Variants in GPT2 observed in about 807,000 individuals in gnomAD.
GPT2 encodes the protein alanine aminotransferase 2.
Under a neutral mutation model 56.9 loss-of-function variants are expected in GPT2, and 30 were observed. The observed-to-expected ratio is 0.53, with a 90% CI of 0.39 to 0.72. The LOEUF (loss-of-function observed/expected upper bound fraction) is 0.72, where lower values mean the gene tolerates loss of function less well. GPT2 is among the 30% of genes least tolerant of loss of function. The pLI, the probability that GPT2 is intolerant of heterozygous loss-of-function variation, is 0.00. For synonymous variants in GPT2, 271 were observed against 283.1 expected, an observed-to-expected ratio of 0.96 and a Z score of 0.43; for missense variants, 542 against 703.4, an observed-to-expected ratio of 0.77 and a Z score of 2.60.
intron 1 of GPT2, 35 bp from the exon 2 acceptor site, chr16:46,884,659 G>A (rs923462046): frequency 1.8e-5 from 25 of 1,356,212 alleles, no homozygotes; most frequent in Non-Finnish European, 2.3e-5. Context: ...TGGGCAGTGC[G>A]CGACGTGTTT....
In GPT2 at chr16:46,929,171, C is replaced by G. The variant is rs1961480405; in HGVS notation, c.*174C>G. On this transcript the variant is annotated 3_prime_UTR_variant, in exon 12 of 12. Coordinates refer to ENST00000340124, the MANE Select transcript of GPT2 (RefSeq NM_133443.4). ...TTGTGCCTTGATGTTGAGAGCGCCT[C>G]TCTTTTGAGCAAACAAGCATTCTAT... The G allele has an allele frequency of 1.7e-6, 1 of 605,794 alleles. No individual in the cohort carries two copies. The highest frequency in any genetic ancestry group is 3.0e-6 in the Non-Finnish European group (1 of 337,858). The allele number at this position is 605,794 out of a possible 1,614,324, so 37.5% of individuals were successfully genotyped here.
At chr16:46,893,591 G>A (rs921074722) in intron 2 of GPT2, among the ~76,000 whole-genome samples, 5 of 152,172 alleles carry the variant, frequency 3.3e-5, no homozygotes, top group African/African-American at 1.2e-4. Context: ...CCTCATGCTG[G>A]TGCGAGGCCT....
chr16:46,895,755 ACTC>A (rs1960674189), intron 2 of GPT2, among the ~76,000 whole-genome samples: 1 of 151,508 alleles, frequency 6.6e-6, no homozygotes, highest in Non-Finnish European at 1.5e-5. Context: ...CTGTTGTTGA[ACTC>A]CTGGCCTCAA....
intron 5 of GPT2, 130 bp from the exon 6 acceptor site, chr16:46,909,554 A>G: frequency 9.7e-7 from 1 of 1,025,746 alleles, no homozygotes; most frequent in Non-Finnish European, 1.4e-6. Context: ...AGATGAGGAA[A>G]CTGAGACTCG....
Position 46,922,165 on chromosome 16 carries a change from G to A in GPT2, c.1038-77G>A, listed in dbSNP as rs541801715. On this transcript the variant is annotated intron_variant, in intron 8 of 11. Coordinates refer to ENST00000340124, the MANE Select transcript of GPT2 (RefSeq NM_133443.4). ...TGGTGTTGGGTGTGGGAATGCTTTC[G>A]ATTCTGGCTGTCCAAATGGCACTTT... 8.9e-4 allele frequency: 1,286 copies of A among 1,443,776 alleles called. 20 individuals carry two copies. Among genetic ancestry groups the A allele is most frequent in the South Asian group, 8.6e-3 (715 of 83,340 alleles). 89.4% of individuals were successfully genotyped at this position (1,443,776 alleles called of 1,614,324 possible). A position where few individuals can be genotyped will look rare whatever the true frequency, so the allele number is the denominator to read the frequency against.
intron 6 of GPT2, among the ~76,000 whole-genome samples, chr16:46,911,565 G>C (rs1350119226): frequency 6.6e-6 from 1 of 152,122 alleles, no homozygotes; most frequent in Non-Finnish European, 1.5e-5. Flanking sequence ...AATCACAAAG[G>C]GAACTTTGAA....
chr16:46,909,989 C>T, intron 6 of GPT2, 62 bp downstream of exon 6: 1 of 1,510,870 alleles, frequency 6.6e-7, no homozygotes, highest in Non-Finnish European at 8.9e-7. Flanking sequence ...CACTGGCTGT[C>T]TAGAAACCAG....
At chr16:46,913,114 T>C (rs1416473849) in intron 6 of GPT2, among the ~76,000 whole-genome samples, 2 of 152,228 alleles carry the variant, frequency 1.3e-5, no homozygotes, top group Non-Finnish European at 2.9e-5. Context: ...CATGCACTTA[T>C]CTGTTCACTG....
intron 9 of GPT2, 148 bp downstream of exon 9, chr16:46,922,564 A>AC: frequency 1.4e-6 from 1 of 698,396 alleles, no homozygotes; most frequent in East Asian, 2.8e-5. Flanking sequence ...CAGAGCCTGA[A>AC]CCACCCCTAT....
At chr16:46,921,602 C>T (rs1034645423) in intron 8 of GPT2, among the ~76,000 whole-genome samples, 5 of 152,136 alleles carry the variant, frequency 3.3e-5, no homozygotes, top group African/African-American at 9.7e-5. Flanking sequence ...TTAGTGTGAA[C>T]GTTTGCAGCC....
chr16:46,889,246 ATTTT>A (rs35803215), intron 2 of GPT2, among the ~76,000 whole-genome samples: 4 of 94,944 alleles, frequency 4.2e-5, no homozygotes, highest in African/African-American at 1.3e-4. Flanking sequence ...CAGGCTGTTA[ATTTT>A]TTTTTTTTTT....
chr16:46,914,562 G>A (rs1890802580), intron 6 of GPT2, among the ~76,000 whole-genome samples: 1 of 152,280 alleles, frequency 6.6e-6, no homozygotes, highest in Non-Finnish European at 1.5e-5. Flanking sequence ...ATAATAAAAT[G>A]TGTTGTAAGT....
At chr16:46,924,026 CA>C in intron 9 of GPT2, 1 of 365,830 alleles carries the variant, frequency 2.7e-6, no homozygotes. Flanking sequence ...CCCCACACCC[CA>C]GGGCACGTGG....
chr16:46,924,935 T>C (rs974818938), intron 10 of GPT2, among the ~76,000 whole-genome samples: 1 of 151,914 alleles, frequency 6.6e-6, no homozygotes. Context: ...TTTTTTTTTT[T>C]CCTTTTTGTG....
At chr16:46,908,147 A>C (rs995158027) in intron 5 of GPT2, among the ~76,000 whole-genome samples, 4 of 138,626 alleles carry the variant, frequency 2.9e-5, no homozygotes, top group Non-Finnish European at 4.6e-5. Context: ...GGCTTGGGAG[A>C]CCGGTGGAGC....
Position 46,897,710 on chromosome 16 carries a change from G to A in GPT2, c.306G>A (p.Gly102=), listed in dbSNP as rs1192223345. Reference sequence around the variant, plus strand: ...ACATCGGGGACGCCCAGGCTATGGGGCAGCAGCCAATCACCTTCCTCCGGC... The same window carrying A: ...ACATCGGGGACGCCCAGGCTATGGGACAGCAGCCAATCACCTTCCTCCGGC... ...RANIGDAQAM[G]QQPITFLRQV... Residue 102 remains glycine (G), a synonymous_variant, in exon 3 of 12, where the codon GGG becomes GGA. Transcript: ENST00000340124. 4.3e-6 allele frequency: 7 copies of A among 1,613,998 alleles called. No homozygotes were observed. The highest frequency in any genetic ancestry group is 5.9e-6 in the Non-Finnish European group (7 of 1,179,964).
At chr16:46,918,929 G>A (rs542229397) in intron 8 of GPT2, among the ~76,000 whole-genome samples, 172 bp downstream of exon 8, 1 of 152,352 alleles carries the variant, frequency 6.6e-6, no homozygotes, top group Non-Finnish European at 1.5e-5. Context: ...AACAGCCCTG[G>A]TACAGGGGCT....
At chr16:46,918,321 G>T (rs1259286026) in intron 7 of GPT2, among the ~76,000 whole-genome samples, 1 of 152,196 alleles carries the variant, frequency 6.6e-6, no homozygotes, top group East Asian at 1.9e-4. Context: ...GAGGATGGGG[G>T]TCTCAGCACC....
At chr16:46,924,637 T>A (rs1961366210) in intron 10 of GPT2, 93 bp downstream of exon 10, 4 of 1,380,416 alleles carry the variant, frequency 2.9e-6, no homozygotes, top group Non-Finnish European at 4.0e-6. Context: ...GCAGAAGTGC[T>A]GGCCCTGGAG....
Sources: gnomAD v4.1 joint callset for allele counts (sites outside exome capture counted in the v4.1 genomes callset) on GRCh38, gnomAD v4.1.1 for gene constraint, MANE v1.5 for transcripts, NCBI Gene and HGNC (gene_info 2026-07-23, HGNC 2026-07-21) for gene names.